The following TNFRSF11A variants were observed in gnomAD, a reference collection of about 807,000 sequenced individuals.
TNFRSF11A encodes TNF receptor superfamily member 11a.
TNFRSF11A carries 32 observed loss-of-function variants against 55.7 expected under a neutral mutation model. The observed-to-expected ratio is 0.57, with a 90% CI of 0.43 to 0.77. The LOEUF (loss-of-function observed/expected upper bound fraction) is 0.77, where lower values mean the gene tolerates loss of function less well. Among genes scored for constraint, TNFRSF11A ranks in the 30% least tolerant of loss-of-function variants. The pLI is 0.00. For missense variants in TNFRSF11A, 753 were observed against 809.8 expected (o/e 0.93, Z 0.85); for synonymous variants, 311 against 331.0 (o/e 0.94, Z 0.65).
intron 3 of TNFRSF11A, among the ~76,000 whole-genome samples, chr18:62,353,712 C>T (rs896625326): frequency 9.3e-5 from 14 of 151,020 alleles, no homozygotes; most frequent in Non-Finnish European, 1.6e-4. Context: ...ATAACAGATA[C>T]GTGTGTGTGT....
chr18:62,327,569 C>T (rs2145228754), intron 1 of TNFRSF11A, among the ~76,000 whole-genome samples: 1 of 152,324 alleles, frequency 6.6e-6, no homozygotes, highest in African/African-American at 2.4e-5. Context: ...TATTCAATGA[C>T]TGCTTGTTTG....
At chr18:62,380,489 T>C (rs1325729408) in intron 9 of TNFRSF11A, among the ~76,000 whole-genome samples, 1 of 148,200 alleles carries the variant, frequency 6.7e-6, no homozygotes, top group African/African-American at 2.5e-5. Flanking sequence ...CAGGCTGGAG[T>C]GCAGTGGCAT....
intron 6 of TNFRSF11A, among the ~76,000 whole-genome samples, chr18:62,360,795 G>A (rs1270853314): frequency 1.3e-5 from 2 of 152,170 alleles, no homozygotes; most frequent in African/African-American, 4.8e-5. Context: ...AAAGTTGATG[G>A]TGGAGGCTGG....
chr18:62,362,112 C>T (rs1391986376), intron 7 of TNFRSF11A, among the ~76,000 whole-genome samples: 1 of 152,112 alleles, frequency 6.6e-6, no homozygotes, highest in African/African-American at 2.4e-5. Flanking sequence ...TAGAATACAT[C>T]AATTTTTAAT....
intron 7 of TNFRSF11A, 40 bp from the exon 8 acceptor site, chr18:62,366,668 T>A: frequency 6.2e-7 from 1 of 1,604,054 alleles, no homozygotes; most frequent in Non-Finnish European, 8.5e-7. Context: ...AAGTGGGAAA[T>A]AATAACTTGA....
intron 1 of TNFRSF11A, among the ~76,000 whole-genome samples, chr18:62,340,686 C>T (rs1056659178): frequency 6.6e-6 from 1 of 152,008 alleles, no homozygotes; most frequent in African/African-American, 2.4e-5. Context: ...ATATTTTAAA[C>T]ACTCAGGGCA....
intron 9 of TNFRSF11A, 99 bp downstream of exon 9, chr18:62,369,583 G>A: frequency 6.9e-7 from 1 of 1,453,868 alleles, no homozygotes; most frequent in Non-Finnish European, 9.4e-7. Flanking sequence ...GGAAGCTAAT[G>A]GGAAAACCTC....
intron 7 of TNFRSF11A, among the ~76,000 whole-genome samples, chr18:62,364,638 G>A (rs12232687): frequency 0.12 from 17,773 of 152,156 alleles, 1,067 homozygotes; most frequent in East Asian, 0.16. Flanking sequence ...CTCTTTTGGT[G>A]GGGGGTAGGG....
At chr18:62,359,411 G>A (rs1022924641) in intron 5 of TNFRSF11A, among the ~76,000 whole-genome samples, 9 of 151,644 alleles carry the variant, frequency 5.9e-5, no homozygotes, top group South Asian at 2.1e-4. Flanking sequence ...ACATGATCTC[G>A]CTCTGTTGCC....
In TNFRSF11A at chr18:62,386,901, A is replaced by G. The variant is rs1263449007; in HGVS notation, c.*1867A>G. The G allele has an allele frequency of 2.0e-5, 3 of 152,200 alleles. No homozygotes were observed. The highest frequency in any genetic ancestry group is 2.9e-5 in the Non-Finnish European group (2 of 68,030). The allele number at this position is 152,200 out of a possible 1,614,324, so 9.4% of individuals were successfully genotyped here. A position where few individuals can be genotyped will look rare whatever the true frequency, so the allele number is the denominator to read the frequency against. On this transcript the variant is annotated 3_prime_UTR_variant, in exon 10 of 10. Transcript: ENST00000586569. ...CCTGCCCTTTTATTTAACATCATCC[A>G]CAGAGAGATGTTATACAAATGGAGG...
chr18:62,339,970 T>C (rs959867729), intron 1 of TNFRSF11A, among the ~76,000 whole-genome samples: 2 of 152,040 alleles, frequency 1.3e-5, no homozygotes, highest in African/African-American at 4.8e-5. Context: ...TTTTGAATAC[T>C]TTTTATCACT....
chr18:62,357,197 C>A (rs1385918218), intron 4 of TNFRSF11A, among the ~76,000 whole-genome samples: 3 of 152,130 alleles, frequency 2.0e-5, no homozygotes, highest in African/African-American at 7.2e-5. Flanking sequence ...GTGTTTTATT[C>A]ACGAAAGTAA....
rs1205543366 is a variant in TNFRSF11A, at chr18:62,384,770, T to C, written c.1587T>C (p.Ser529=). 1 of 1,612,422 alleles carries C rather than the reference T, an allele frequency of 6.2e-7. No individual in the cohort carries two copies. Among genetic ancestry groups the C allele is most frequent in the Admixed American group, 1.7e-5 (1 of 59,860 alleles). The change falls in exon 10 of 10, where the codon AGT becomes AGC. Residue 529 remains serine (S), a synonymous_variant. Coordinates refer to ENST00000586569, the MANE Select transcript of TNFRSF11A (RefSeq NM_003839.4). ...CCGCAGGAAATGTGACTGGAAACAGTAACTCCACGTTCATCTCCAGCGGGC... is the reference window on the plus strand; with the variant it reads ...CCGCAGGAAATGTGACTGGAAACAGCAACTCCACGTTCATCTCCAGCGGGC... ...SPASGNVTGN[S]NSTFISSGQV...
At chr18:62,350,274 ATT>A (rs568568860) in intron 3 of TNFRSF11A, among the ~76,000 whole-genome samples, 39 of 151,946 alleles carry the variant, frequency 2.6e-4, no homozygotes, top group African/African-American at 9.2e-4. Context: ...CTTTTATTTT[ATT>A]TGTTTATTTA....
chr18:62,358,610 G>A (rs1282310552), intron 5 of TNFRSF11A, among the ~76,000 whole-genome samples: 3 of 152,152 alleles, frequency 2.0e-5, no homozygotes, highest in Non-Finnish European at 2.9e-5. Flanking sequence ...AACCTTGTTT[G>A]GTTGAAAATG....
intron 9 of TNFRSF11A, among the ~76,000 whole-genome samples, chr18:62,378,484 G>A (rs1911047930): frequency 6.6e-6 from 1 of 152,198 alleles, no homozygotes; most frequent in Admixed American, 6.5e-5. Context: ...ACAAGACAGG[G>A]ATGGAAAGAT....
At chr18:62,335,419 C>A (rs1301866164) in intron 1 of TNFRSF11A, among the ~76,000 whole-genome samples, 1 of 152,118 alleles carries the variant, frequency 6.6e-6, no homozygotes, top group Non-Finnish European at 1.5e-5. Context: ...GATCCAATTT[C>A]CATGTAAAAT....
intron 9 of TNFRSF11A, 128 bp downstream of exon 9, chr18:62,369,612 T>A: frequency 3.3e-6 from 4 of 1,198,528 alleles, no homozygotes; most frequent in Non-Finnish European, 4.8e-6. Context: ...CTTTTTCTCT[T>A]AATAAGCATT....
At chr18:62,364,100 G>T (rs1346233971) in intron 7 of TNFRSF11A, among the ~76,000 whole-genome samples, 2 of 152,192 alleles carry the variant, frequency 1.3e-5, no homozygotes, top group African/African-American at 4.8e-5. Context: ...AGCACCAAGT[G>T]GCAGATGACA....
Sources: gnomAD v4.1 joint callset for allele counts (sites outside exome capture counted in the v4.1 genomes callset) on GRCh38, gnomAD v4.1.1 for gene constraint, MANE v1.5 for transcripts, NCBI Gene and HGNC (gene_info 2026-07-23, HGNC 2026-07-21) for gene names.